The following DNMT3A variants were observed in gnomAD, a reference collection of about 807,000 sequenced individuals.
DNMT3A encodes the protein DNA methyltransferase 3 alpha.
Under a neutral mutation model 117.6 loss-of-function variants are expected in DNMT3A, and 267 were observed. The observed-to-expected ratio is 2.27, with a 90% CI of 2.05 to 2.51. The LOEUF (loss-of-function observed/expected upper bound fraction) is 2.51. Among genes scored for constraint, DNMT3A ranks in the 30% most tolerant of loss-of-function variants. The pLI is 0.00. For missense variants in DNMT3A, 1,029 were observed against 1,260.2 expected, an observed-to-expected ratio of 0.82 and a Z score of 2.78; for synonymous variants, 432 against 474.8, an observed-to-expected ratio of 0.91 and a Z score of 1.17.
At chr2:25,245,070 G>A (rs1295166887) in intron 13 of DNMT3A, among the ~76,000 whole-genome samples, 183 bp downstream of exon 13, 1 of 152,242 alleles carries the variant, frequency 6.6e-6, no homozygotes, top group African/African-American at 2.4e-5. Context: ...ATGAGAGCAA[G>A]TCAAAAGCTT....
chr2:25,303,489 C>T (rs762441284), intron 2 of DNMT3A, among the ~76,000 whole-genome samples: 3 of 152,222 alleles, frequency 2.0e-5, no homozygotes, highest in Admixed American at 2.0e-4. Flanking sequence ...GTGGACCCCC[C>T]GGTGCCAGGC....
At position 25,281,448 on chromosome 2, in the gene DNMT3A, T is replaced by C; in HGVS notation, c.448+993A>G. 9.6e-7 allele frequency: 1 copy of C among 1,043,346 alleles called. No homozygotes were observed. Among genetic ancestry groups the C allele is most frequent in the Non-Finnish European group, 1.2e-6 (1 of 865,384 alleles). The allele number at this position is 1,043,346 out of a possible 1,614,324, so 64.6% of individuals were successfully genotyped here. A position where few individuals can be genotyped will look rare whatever the true frequency, so the allele number is the denominator to read the frequency against. ...CGAATAATAAATGAATAAAAGCTTCTTAATAAGTTTGGAAATTTGTATTCT... is the reference window on the plus strand; with the variant it reads ...CGAATAATAAATGAATAAAAGCTTCCTAATAAGTTTGGAAATTTGTATTCT... On this transcript the variant is annotated intron_variant, in intron 4 of 22. Transcript: ENST00000321117. The surrounding 1 kb of genome is among the most constrained non-coding windows in gnomAD (Gnocchi z 4.8).
chr2:25,299,454 TG>T (rs1233502265), intron 3 of DNMT3A, among the ~76,000 whole-genome samples: 1 of 152,130 alleles, frequency 6.6e-6, no homozygotes, highest in Non-Finnish European at 1.5e-5. Flanking sequence ...GGTGAGAGTG[TG>T]GTAGGGAGGG....
intron 2 of DNMT3A, among the ~76,000 whole-genome samples, chr2:25,312,619 C>T (rs1283064304): frequency 1.3e-5 from 2 of 152,196 alleles, no homozygotes; most frequent in South Asian, 2.1e-4. Context: ...CACTGCCCAG[C>T]GGGGCTCAGC....
intron 3 of DNMT3A, among the ~76,000 whole-genome samples, chr2:25,283,552 C>CA (rs1435237632): frequency 2.6e-5 from 4 of 152,078 alleles, no homozygotes; most frequent in African/African-American, 7.2e-5. Flanking sequence ...CCCCAAAAAA[C>CA]CATTCTGTAG....
intron 6 of DNMT3A, among the ~76,000 whole-genome samples, chr2:25,253,373 A>T (rs1193739164): frequency 6.6e-6 from 1 of 152,198 alleles, no homozygotes; most frequent in Non-Finnish European, 1.5e-5. Context: ...TGTAAAGGTA[A>T]CTATGCCACA....
At chr2:25,243,208 G>A (rs943559269) in intron 16 of DNMT3A, among the ~76,000 whole-genome samples, 3 of 151,994 alleles carry the variant, frequency 2.0e-5, no homozygotes, top group African/African-American at 7.3e-5. Context: ...GGGAGGCTGA[G>A]GCAGGAGAAC....
chr2:25,317,818 C>A (rs1278830938), intron 1 of DNMT3A, among the ~76,000 whole-genome samples: 1 of 152,252 alleles, frequency 6.6e-6, no homozygotes, highest in African/African-American at 2.4e-5. Flanking sequence ...TCACCGCAAC[C>A]TCCGCCTCGC....
At position 25,246,073 on chromosome 2, in the gene DNMT3A, GGAGGAGAGCTGGCGTCAGAGGAGGCCGC is replaced by G; in HGVS notation, c.1430-37_1430-10del. On this transcript the variant is annotated splice_polypyrimidine_tract_variant and intron_variant, in intron 11 of 22. Coordinates refer to ENST00000321117, the MANE Select transcript of DNMT3A (RefSeq NM_022552.5). ...CTCGTACACCAGCCGCTCTGCAAGG[GGAGGAGAGCTGGCGTCAGAGGAGGCCGC>G]GCCTGCTCCTCGGATGCAGGCCTCC... 1 of 1,614,204 alleles carries G rather than the reference GGAGGAGAGCTGGCGTCAGAGGAGGCCGC, an allele frequency of 6.2e-7. No homozygotes were observed. The highest frequency in any genetic ancestry group is 8.5e-7 in the Non-Finnish European group (1 of 1,180,034).
chr2:25,280,118 C>CT (rs1453275544), intron 4 of DNMT3A, among the ~76,000 whole-genome samples: 2 of 152,104 alleles, frequency 1.3e-5, no homozygotes, highest in African/African-American at 2.4e-5. Flanking sequence ...GACAGCATCT[C>CT]TCCCTCACCT....
chr2:25,322,900 A>G (rs1191979424), intron 1 of DNMT3A, among the ~76,000 whole-genome samples: 1 of 151,948 alleles, frequency 6.6e-6, no homozygotes, highest in Non-Finnish European at 1.5e-5. Context: ...CTCCGTCTCA[A>G]GTTCTCTGTC....
chr2:25,241,282 T>C (rs1470912587), intron 17 of DNMT3A, among the ~76,000 whole-genome samples: 5 of 152,152 alleles, frequency 3.3e-5, no homozygotes, highest in Non-Finnish European at 7.3e-5. Flanking sequence ...TTGCCCAAGC[T>C]AGTCTTAAAC....
chr2:25,305,921 G>A lies in DNMT3A; in HGVS notation c.73-5678C>T, dbSNP rs889330817. 5.3e-5 allele frequency among the ~76,000 whole-genome samples: 8 copies of A among 152,328 alleles called. No homozygotes were observed. The East Asian group carries it at 9.6e-4, about 18-fold the overall frequency. ...AACCGGATGCTACTGACCCAGCATC[G>A]GTTGAGCAGATGTCTCGAGTTGGTG... On this transcript the variant is annotated intron_variant, in intron 2 of 22. Coordinates refer to ENST00000321117, the MANE Select transcript of DNMT3A (RefSeq NM_022552.5). The surrounding 1 kb of genome is among the most constrained non-coding windows in gnomAD (Gnocchi z 4.1).
chr2:25,277,543 CCCCCGGG>C, intron 4 of DNMT3A, among the ~76,000 whole-genome samples: 1 of 152,140 alleles, frequency 6.6e-6, no homozygotes, highest in Non-Finnish European at 1.5e-5. Flanking sequence ...GAGTGGAGGA[CCCCCGGG>C]CTGGCTCTCG....
In DNMT3A at chr2:25,270,560, C is replaced by G. The variant is rs191703017; in HGVS notation, c.639+4381G>C. Among the ~76,000 whole-genome samples the G allele has an allele frequency of 3.9e-5, 6 of 152,170 alleles. No homozygotes were observed. In the East Asian group the frequency reaches 1.2e-3, roughly 29 times the overall value. On this transcript the variant is annotated intron_variant, in intron 6 of 22. Transcript: ENST00000321117. ...GCCTGGGGAACAGCTGGAGCTGGGTCCTGAAGGCTGGGTGGTTTGTCAGGA... is the reference window on the plus strand; with the variant it reads ...GCCTGGGGAACAGCTGGAGCTGGGTGCTGAAGGCTGGGTGGTTTGTCAGGA...
In DNMT3A at chr2:25,244,568, G is replaced by A. The variant is rs759176128; in HGVS notation, c.1639C>T (p.Leu547Phe). 7 of 1,614,056 alleles carry A rather than the reference G, an allele frequency of 4.3e-6. No individual in the cohort carries two copies. Among genetic ancestry groups the A allele is most frequent in the Admixed American group, 1.7e-5 (1 of 60,010 alleles). Residue 547 changes from leucine to phenylalanine, a missense_variant, in exon 14 of 23, where the codon CTC (leucine) becomes TTC (phenylalanine). Transcript: ENST00000321117. ...CAGCAGTTGTTGTTTCCGCACATGA[G>A]CACCTCACGGCCCCCACAGCAGATG... is the stretch of plus-strand genomic sequence containing the variant. ...CTICCGGREVLMCGNNNCCRC... is the reference protein window; with the variant it reads ...CTICCGGREVFMCGNNNCCRC...
At chr2:25,243,699 G>T (rs1025574490) in intron 16 of DNMT3A, among the ~76,000 whole-genome samples, 199 bp downstream of exon 16, 1 of 152,226 alleles carries the variant, frequency 6.6e-6, no homozygotes, top group East Asian at 1.9e-4. Flanking sequence ...TTTACCACCT[G>T]TTTTACTTTT....
intron 19 of DNMT3A, 93 bp downstream of exon 19, chr2:25,240,209 C>G (rs1221968864): frequency 8.9e-6 from 14 of 1,565,934 alleles, no homozygotes; most frequent in Non-Finnish European, 1.2e-5. Context: ...AGTCACCAGT[C>G]CCCAGCTCCA....
chr2:25,236,307 C>T lies in DNMT3A; in HGVS notation c.2479-482G>A, dbSNP rs937844100. Among the ~76,000 whole-genome samples, 1 of 152,190 alleles carries T rather than the reference C, an allele frequency of 6.6e-6. No individual in the cohort carries two copies. Among genetic ancestry groups the T allele is most frequent in the Non-Finnish European group, 1.5e-5 (1 of 68,026 alleles). ...CTCAAACTCCTGACCTCAGGTGATC[C>T]GCCTGCCTCGGCCTCCCAAAGTATT... On this transcript the variant is annotated intron_variant, in intron 21 of 22. Coordinates refer to ENST00000321117, the MANE Select transcript of DNMT3A (RefSeq NM_022552.5). The surrounding 1 kb of genome is among the most constrained non-coding windows in gnomAD (Gnocchi z 4.5).
Sources: gnomAD v4.1 joint callset for allele counts (sites outside exome capture counted in the v4.1 genomes callset) on GRCh38, gnomAD v4.1.1 for gene constraint, Gnocchi (gnomAD v3.1) non-coding constraint, MANE v1.5 for transcripts, NCBI Gene and HGNC (gene_info 2026-07-23, HGNC 2026-07-21) for gene names.